The following PRKACB variants were observed in gnomAD, a reference collection of about 807,000 sequenced individuals.
PRKACB encodes the protein cAMP-dependent protein kinase catalytic subunit beta.
PRKACB carries 16 observed loss-of-function variants against 51.4 expected under a neutral mutation model. The ratio of observed to expected loss-of-function variants is 0.31; its 90% CI spans 0.21 to 0.47. The LOEUF (loss-of-function observed/expected upper bound fraction) is 0.47, where lower values mean the gene tolerates loss of function less well. PRKACB is among the 20% of genes least tolerant of loss of function. PRKACB has a pLI of 1.00. For synonymous variants in PRKACB, 147 were observed against 154.4 expected (o/e 0.95, Z 0.35); for missense variants, 309 against 464.5 (o/e 0.67, Z 3.08).
In PRKACB at chr1:84,182,293, C is replaced by G; in HGVS notation, c.343C>G (p.Gln115Glu). 1 of 1,591,120 alleles carries G rather than the reference C, an allele frequency of 6.3e-7. No individual in the cohort carries two copies. Among genetic ancestry groups the G allele is most frequent in the African/African-American group, 1.3e-5 (1 of 74,292 alleles). The change falls in exon 3 of 10, where the codon CAG becomes GAG. Residue 115 changes from glutamine (Q) to glutamate (E), a missense_variant. Physicochemically the swap from Gln to Glu is conservative, Grantham distance 29. Transcript: ENST00000370685. ...VMLVKHKATE[Q>E]YYAMKILDKQ... ...GTTGGTAAAACACAAAGCCACTGAA[C>G]AGTATTATGCCATGAAGATCTTAGA...
At chr1:84,175,850 A>G in intron 1 of PRKACB, 1 of 1,400,176 alleles carries the variant, frequency 7.1e-7, no homozygotes, top group Non-Finnish European at 9.5e-7. Context: ...AGACTATTTA[A>G]ATCATACAAA....
At chr1:84,233,576 C>T (rs1676122473) in intron 9 of PRKACB, among the ~76,000 whole-genome samples, 1 of 111,636 alleles carries the variant, frequency 9.0e-6, no homozygotes, top group African/African-American at 3.6e-5. Context: ...TTGGTCTTTT[C>T]ACATAGTCCC....
chr1:84,215,975 A>C (rs1275919854), intron 9 of PRKACB, among the ~76,000 whole-genome samples: 1 of 152,140 alleles, frequency 6.6e-6, no homozygotes, highest in Non-Finnish European at 1.5e-5. Flanking sequence ...TTAAGGAAAA[A>C]AAAATTTAAT....
chr1:84,214,458 C>T (rs995141906), intron 9 of PRKACB, 141 bp downstream of exon 9: 4 of 773,814 alleles, frequency 5.2e-6, no homozygotes, highest in Non-Finnish European at 7.4e-6. Context: ...AAGTACTTTA[C>T]AGCCCATAAC....
chr1:84,129,027 T>TA (rs1651912661), intron 1 of PRKACB, among the ~76,000 whole-genome samples: 1 of 152,184 alleles, frequency 6.6e-6, no homozygotes, highest in African/African-American at 2.4e-5. Context: ...AACATATGAA[T>TA]AAAAGCAATT....
intron 9 of PRKACB, among the ~76,000 whole-genome samples, chr1:84,218,234 A>G (rs1193861385): frequency 6.6e-6 from 1 of 152,164 alleles, no homozygotes; most frequent in African/African-American, 2.4e-5. Context: ...CTGCTGTGCT[A>G]TGAAATGCTA....
intron 2 of PRKACB, 130 bp downstream of exon 2, chr1:84,179,368 G>A: frequency 9.0e-7 from 1 of 1,115,050 alleles, no homozygotes. Flanking sequence ...GCTTAAAATG[G>A]GAATTTTGCC....
In PRKACB at chr1:84,179,105, CAATATAAATATTCTTATACAG is replaced by C. The variant is rs771683747; in HGVS notation, c.188-55_188-35del. ...TTTTTTTAAGTGAGAAAACCATATG[CAATATAAATATTCTTATACAG>C]AATATAAATATTCTTACAAGATAAA... On this transcript the variant is annotated intron_variant, in intron 1 of 9. Transcript: ENST00000370685. 91 of 1,424,158 alleles carry C rather than the reference CAATATAAATATTCTTATACAG, an allele frequency of 6.4e-5. No individual in the cohort carries two copies. The East Asian group carries it at 1.1e-3, about 17-fold the overall frequency. The allele number at this position is 1,424,158 out of a possible 1,614,324, so 88.2% of individuals were successfully genotyped here.
chr1:84,175,861 CAG>C, intron 1 of PRKACB: 3 of 1,298,996 alleles, frequency 2.3e-6, no homozygotes, highest in East Asian at 2.7e-5. Context: ...ATCATACAAA[CAG>C]AAAAAATATA....
rs1180404651 is a variant in PRKACB at position 84,164,283 on chromosome 1, G to A, written c.188-14894G>A. The A allele has an allele frequency of 4.0e-6, 6 of 1,489,438 alleles. No individual in the cohort carries two copies. In the African/African-American group the frequency reaches 4.2e-5, roughly 10 times the overall value. 92.3% of individuals were successfully genotyped at this position (1,489,438 alleles called of 1,614,324 possible). A position where few individuals can be genotyped will look rare whatever the true frequency, so the allele number is the denominator to read the frequency against. On this transcript the variant is annotated intron_variant, in intron 1 of 9. Transcript: ENST00000370685. ...AGCGATCTCGGCAATAAGATTCATC[G>A]CCAATAGTCACTAGCAACAGCACAC...
intron 6 of PRKACB, 57 bp downstream of exon 6, chr1:84,196,799 G>T: frequency 6.7e-7 from 1 of 1,485,086 alleles, no homozygotes; most frequent in Non-Finnish European, 9.1e-7. Context: ...GCAAGACATT[G>T]TATGTATGTA....
At chr1:84,193,621 A>C (rs1360822842) in intron 5 of PRKACB, among the ~76,000 whole-genome samples, 1 of 152,144 alleles carries the variant, frequency 6.6e-6, no homozygotes, top group Non-Finnish European at 1.5e-5. Context: ...GGTGGGTTCA[A>C]ACTAGTCTTA....
chr1:84,111,465 T>A (rs1224378255), intron 1 of PRKACB, among the ~76,000 whole-genome samples: 1 of 152,148 alleles, frequency 6.6e-6, no homozygotes, highest in Non-Finnish European at 1.5e-5. Context: ...TAATCTATAG[T>A]AATACCTTAT....
chr1:84,166,961 A>C (rs1657690355), intron 1 of PRKACB, among the ~76,000 whole-genome samples: 1 of 151,492 alleles, frequency 6.6e-6, no homozygotes, highest in Admixed American at 6.6e-5. Context: ...ATTTTCATTG[A>C]CTCTGATATC....
At position 84,227,574 on chromosome 1, in the gene PRKACB, A is replaced by G. The variant is rs538438542; in HGVS notation, c.1072-7606A>G. On this transcript the variant is annotated intron_variant, in intron 9 of 9. Transcript: ENST00000370685. The stretch of plus-strand genomic sequence containing the variant: ...TTAATTTTTAATAATTATTCCTAAA[A>G]GGGGATAGAACAGGAAGGCCACTAC... 2.0e-4 allele frequency among the ~76,000 whole-genome samples: 30 copies of G among 152,316 alleles called. No individual in the cohort carries two copies. In the South Asian group the frequency reaches 6.2e-3, roughly 32 times the overall value.
intron 1 of PRKACB, chr1:84,173,423 A>G: frequency 8.0e-7 from 1 of 1,255,962 alleles, no homozygotes. Flanking sequence ...TTTATGAGAT[A>G]TTTTGTGGCA....
intron 1 of PRKACB, among the ~76,000 whole-genome samples, chr1:84,150,803 G>A (rs1654767224): frequency 6.6e-6 from 1 of 151,978 alleles, no homozygotes; most frequent in African/African-American, 2.4e-5. Context: ...TTCTGCCTTA[G>A]GTATTTCTTT....
At chr1:84,223,362 T>C (rs1674039436) in intron 9 of PRKACB, among the ~76,000 whole-genome samples, 1 of 52,540 alleles carries the variant, frequency 1.9e-5, no homozygotes, top group East Asian at 6.6e-4. Context: ...GTTTGGTTGT[T>C]TTTTTTTGTT....
chr1:84,182,827 C>G (rs1367934817), intron 3 of PRKACB, among the ~76,000 whole-genome samples: 1 of 151,950 alleles, frequency 6.6e-6, no homozygotes, highest in African/African-American at 2.4e-5. Flanking sequence ...CCCAGGGATA[C>G]TGATGGACAA....
Sources: gnomAD v4.1 joint callset for allele counts (sites outside exome capture counted in the v4.1 genomes callset) on GRCh38, gnomAD v4.1.1 for gene constraint, MANE v1.5 for transcripts, NCBI Gene and HGNC (gene_info 2026-07-23, HGNC 2026-07-21) for gene names.